The following CILP2 variants were observed in gnomAD, a reference collection of about 807,000 sequenced individuals.
The protein encoded by CILP2 is CILP-2.
In CILP2, 38 loss-of-function variants were observed where a neutral mutation model predicts 45.6. The observed-to-expected ratio is 0.83, with a 90% CI of 0.64 to 1.09. The LOEUF is 1.09. Ranked by LOEUF, CILP2 falls within the 50% of genes least tolerant of loss-of-function variation. CILP2 has a pLI of 0.00. For synonymous variants in CILP2, 780 were observed against 723.5 expected (o/e 1.08, Z -1.25); for missense variants, 1,735 against 1,662.2 (o/e 1.04, Z -0.76).
At chr19:19,540,963 TG>T in intron 3 of CILP2, 127 bp from the exon 4 acceptor site, 1 of 888,366 alleles carries the variant, frequency 1.1e-6, no homozygotes, top group Non-Finnish European at 1.5e-6. Context: ...ATCTGCTCTC[TG>T]GAGTGTCCGC....
intron 1 of CILP2, 89 bp from the exon 2 acceptor site, chr19:19,539,590 T>G (rs1428229169): frequency 3.9e-5 from 27 of 692,182 alleles, no homozygotes; most frequent in African/African-American, 1.5e-4. Flanking sequence ...AGGGGGGGGA[T>G]GATCGTGGCT....
At position 19,544,029 on chromosome 19, in the gene CILP2, T is replaced by A. The variant is rs2061253987; in HGVS notation, c.1484T>A (p.Leu495Gln). The A allele has an allele frequency of 1.2e-6, 2 of 1,613,896 alleles. No individual in the cohort carries two copies. Among genetic ancestry groups the A allele is most frequent in the Non-Finnish European group, 1.7e-6 (2 of 1,179,940 alleles). ...GEPLRFARIL[L>Q]GQEPIGFTAY... ...CCGCTACGCTTCGCCAGGATTCTGC[T>A]GGGCCAGGAGCCCATCGGCTTCACC... Residue 495 changes from leucine to glutamine, a missense_variant, in exon 8 of 8, where the codon CTG (leucine) becomes CAG (glutamine). Coordinates refer to ENST00000291495, the MANE Select transcript of CILP2 (RefSeq NM_153221.2).
intron 3 of CILP2, 145 bp downstream of exon 3, chr19:19,540,621 G>C: frequency 1.0e-6 from 1 of 959,434 alleles, no homozygotes; most frequent in South Asian, 2.2e-5. Flanking sequence ...ACCCTTAGGC[G>C]TAGGACGACG....
chr19:19,541,638 GTCTT>G (rs2061244755), intron 4 of CILP2, among the ~76,000 whole-genome samples: 1 of 152,184 alleles, frequency 6.6e-6, no homozygotes, highest in Non-Finnish European at 1.5e-5. Flanking sequence ...CTGTACAGAT[GTCTT>G]CGTGGGGAAA....
At position 19,543,830 on chromosome 19, in the gene CILP2, C is replaced by T; in HGVS notation, c.1285C>T (p.Arg429Cys). 9 of 1,613,782 alleles carry T rather than the reference C, an allele frequency of 5.6e-6. No homozygotes were observed. The highest frequency in any genetic ancestry group is 1.1e-5 in the South Asian group (1 of 91,074). ...CCCCAGCCTGGCAGGCTCCAGCCCC[C>T]GCTGCGGGGACGCCAGCTCCCGCTG... Reference protein sequence around the residue: ...RCPSLAGSSPRCGDASSRCCS... With the variant: ...RCPSLAGSSPCCGDASSRCCS... The change falls in exon 8 of 8, where the codon CGC becomes TGC. Residue 429 changes from arginine (R) to cysteine (C), a missense_variant. Physicochemically the swap from Arg to Cys is radical, Grantham distance 180. Transcript: ENST00000291495.
chr19:19,541,243 C>A lies in CILP2; in HGVS notation c.589C>A (p.Pro197Thr). The A allele has an allele frequency of 1.6e-6, 2 of 1,288,314 alleles. No homozygotes were observed. The highest frequency in any genetic ancestry group is 2.0e-6 in the Non-Finnish European group (2 of 1,016,566). The allele number at this position is 1,288,314 out of a possible 1,614,324, so 79.8% of individuals were successfully genotyped here. ...EAQKCVRPRC[P>T]GCSLDTCECP... ...GCAGAAGTGCGTGCGGCCTCGGTGT[C>A]CAGGTAGGAGGGGCGGGGTCTGGAG... is the stretch of plus-strand genomic sequence containing the variant. Residue 197 changes from proline to threonine, a missense_variant, in exon 4 of 8, where the codon CCA becomes ACA. Transcript: ENST00000291495.
At position 19,544,766 on chromosome 19, in the gene CILP2, G is replaced by C; in HGVS notation, c.2221G>C (p.Val741Leu). ...VPERRRCFVK[V>L]RAYANDKFTP... Reference sequence around the variant, plus strand: ...TGAGCGCCGCCGCTGCTTCGTGAAGGTGCGCGCCTACGCCAACGACAAGTT... The same window carrying C: ...TGAGCGCCGCCGCTGCTTCGTGAAGCTGCGCGCCTACGCCAACGACAAGTT... Residue 741 changes from valine to leucine, a missense_variant, in exon 8 of 8, where the codon GTG becomes CTG. Val to Leu is a conservative substitution (Grantham distance 32). Transcript: ENST00000291495. The C allele has an allele frequency of 6.2e-7, 1 of 1,607,120 alleles. No homozygotes were observed. The highest frequency in any genetic ancestry group is 8.5e-7 in the Non-Finnish European group (1 of 1,179,536).
Position 19,545,987 on chromosome 19 carries a change from C to T in CILP2, c.3442C>T (p.Arg1148Cys), listed in dbSNP as rs372029398. 85 of 1,507,664 alleles carry T rather than the reference C, an allele frequency of 5.6e-5. No individual in the cohort carries two copies. In the African/African-American group the frequency reaches 8.8e-4, roughly 16 times the overall value. 93.4% of individuals were successfully genotyped at this position (1,507,664 alleles called of 1,614,324 possible). A position where few individuals can be genotyped will look rare whatever the true frequency, so the allele number is the denominator to read the frequency against. The change falls in exon 8 of 8, where the codon CGC becomes TGC. Residue 1148 changes from arginine (R) to cysteine (C), a missense_variant. Physicochemically the swap from Arg to Cys is radical, Grantham distance 180. Coordinates refer to ENST00000291495, the MANE Select transcript of CILP2 (RefSeq NM_153221.2). Reference sequence around the variant, plus strand: ...ACAGGCCCGGGCCTCAGGTCCCCTCCGCACCCGCCGGGGTAGGGTCCGGCA... The same window carrying T: ...ACAGGCCCGGGCCTCAGGTCCCCTCTGCACCCGCCGGGGTAGGGTCCGGCA... ...QAQARASGPL[R>C]TRRGRVRQ is the part of the protein sequence containing the mutation.
In CILP2 at chr19:19,543,734, C is replaced by T. The variant is rs2061252566; in HGVS notation, c.1189C>T (p.Pro397Ser). Residue 397 changes from proline to serine, a missense_variant, in exon 8 of 8, where the codon CCT becomes TCT. Pro to Ser is a moderately conservative substitution (Grantham distance 74, BLOSUM62 -1). Coordinates refer to ENST00000291495, the MANE Select transcript of CILP2 (RefSeq NM_153221.2). ...GCCCCGAGAGTACCTGATCAAGCTC[C>T]CTGAGGACTGTGGTCAGCCAGGTAG... ...PRPREYLIKL[P>S]EDCGQPGSGP... is the part of the protein sequence containing the mutation. 6 of 1,612,722 alleles carry T rather than the reference C, an allele frequency of 3.7e-6. No homozygotes were observed. The highest frequency in any genetic ancestry group is 2.7e-5 in the African/African-American group (2 of 74,938).
chr19:19,544,382 C>G lies in CILP2; in HGVS notation c.1837C>G (p.Arg613Gly), dbSNP rs141706378. The G allele has an allele frequency of 1.9e-6, 3 of 1,610,064 alleles. No individual in the cohort carries two copies. The highest frequency in any genetic ancestry group is 2.5e-6 in the Non-Finnish European group (3 of 1,179,328). ...VEARVTFVDPRDLTSAASAPS... is the reference protein window; with the variant it reads ...VEARVTFVDPGDLTSAASAPS... ...GGCCCGGGTGACGTTCGTGGACCCC[C>G]GAGACCTCACCTCGGCGGCGTCTGC... Residue 613 changes from arginine (R) to glycine (G), a missense_variant, in exon 8 of 8, where the codon CGA (arginine) becomes GGA (glycine). Physicochemically the swap from Arg to Gly is moderately radical, Grantham distance 125 (BLOSUM62 -2). Transcript: ENST00000291495.
rs377207032 is a variant in CILP2, at chr19:19,544,063, G to A, written c.1518G>A (p.Gln506=). The A allele has an allele frequency of 2.5e-6, 4 of 1,613,812 alleles. No homozygotes were observed. Among genetic ancestry groups the A allele is most frequent in the Non-Finnish European group, 2.5e-6 (3 of 1,179,998 alleles). Residue 506 remains glutamine (Q), a synonymous_variant, in exon 8 of 8, where the codon CAG becomes CAA. Coordinates refer to ENST00000291495, the MANE Select transcript of CILP2 (RefSeq NM_153221.2). Reference sequence around the variant, plus strand: ...AGCCCATCGGCTTCACCGCCTACCAGGGCGACTTTACCATTGAGGTGCCGC... The same window carrying A: ...AGCCCATCGGCTTCACCGCCTACCAAGGCGACTTTACCATTGAGGTGCCGC... The part of the protein sequence containing the change: ...GQEPIGFTAY[Q]GDFTIEVPPS...
In CILP2 at chr19:19,545,789, G is replaced by C. The variant is rs1409774864; in HGVS notation, c.3244G>C (p.Asp1082His). Residue 1082 changes from aspartate to histidine, a missense_variant, in exon 8 of 8, where the codon GAT becomes CAT. Physicochemically the swap from Asp to His is moderately conservative, Grantham distance 81. Coordinates refer to ENST00000291495, the MANE Select transcript of CILP2 (RefSeq NM_153221.2). ...GGAGATCGCCATTGGCCGCTGCTTT[G>C]ATGGTTCCTCTGACGGCTTCTCCAG... ...AKEIAIGRCFDGSSDGFSREM... is the reference protein window; with the variant it reads ...AKEIAIGRCFHGSSDGFSREM... 5 of 1,600,444 alleles carry C rather than the reference G, an allele frequency of 3.1e-6. No homozygotes were observed. The Admixed American group carries it at 8.5e-5, about 27-fold the overall frequency.
At chr19:19,541,516 G>C (rs776104934) in intron 4 of CILP2, among the ~76,000 whole-genome samples, 2 of 152,180 alleles carry the variant, frequency 1.3e-5, no homozygotes, top group African/African-American at 2.4e-5. Context: ...TCCCTCCTGG[G>C]CCCAAGGAGC....
chr19:19,544,005 C>T lies in CILP2; in HGVS notation c.1460C>T (p.Pro487Leu), dbSNP rs374178882. Reference sequence around the variant, plus strand: ...GTTGTGGCTGCTGACTCCGGGGAGCCGCTACGCTTCGCCAGGATTCTGCTG... The same window carrying T: ...GTTGTGGCTGCTGACTCCGGGGAGCTGCTACGCTTCGCCAGGATTCTGCTG... Reference protein sequence around the residue: ...GRVVAADSGEPLRFARILLGQ... With the variant: ...GRVVAADSGELLRFARILLGQ... Residue 487 changes from proline to leucine, a missense_variant, in exon 8 of 8, where the codon CCG becomes CTG. Coordinates refer to ENST00000291495, the MANE Select transcript of CILP2 (RefSeq NM_153221.2). The T allele has an allele frequency of 8.7e-6, 14 of 1,613,650 alleles. No individual in the cohort carries two copies. The highest frequency in any genetic ancestry group is 1.1e-5 in the Non-Finnish European group (13 of 1,179,814).
In CILP2 at chr19:19,544,894, C is replaced by T; in HGVS notation, c.2349C>T (p.Ser783=). 2.5e-6 allele frequency: 4 copies of T among 1,588,636 alleles called. No homozygotes were observed. The highest frequency in any genetic ancestry group is 3.4e-6 in the Non-Finnish European group (4 of 1,175,328). The stretch of plus-strand genomic sequence containing the variant: ...CCCGTGCCTGGGGCCGCTTTGACAG[C>T]GCGGTCACCGGCCCCAATGGCGCCT... The part of the protein sequence containing the change: ...ANPRAWGRFD[S]AVTGPNGACL... The change falls in exon 8 of 8, where the codon AGC becomes AGT. Residue 783 remains serine, a synonymous_variant. Transcript: ENST00000291495.
Position 19,540,318 on chromosome 19 carries a change from C to A in CILP2, c.278C>A (p.Pro93Gln). ...GGGCCAGCGCGCGTGTGCCCGCGAC[C>A]GCTGGCGCTGGAAGCGCGCACCACG... ...YYGPARVCPR[P>Q]LALEARTTDW... The change falls in exon 3 of 8, where the codon CCG (proline) becomes CAG (glutamine). Residue 93 changes from proline (P) to glutamine (Q), a missense_variant. By Grantham distance (76) the Pro-to-Gln change is moderately conservative. Coordinates refer to ENST00000291495, the MANE Select transcript of CILP2 (RefSeq NM_153221.2). 6.3e-7 allele frequency: 1 copy of A among 1,579,224 alleles called. No individual in the cohort carries two copies. Among genetic ancestry groups the A allele is most frequent in the Non-Finnish European group, 8.6e-7 (1 of 1,167,730 alleles).
rs1424640177 is a variant in CILP2 at position 19,544,741 on chromosome 19, T to C, written c.2196T>C (p.Pro732=). 1.2e-6 allele frequency: 2 copies of C among 1,605,210 alleles called. No homozygotes were observed. The highest frequency in any genetic ancestry group is 1.1e-5 in the South Asian group (1 of 90,866). ...GGCGCCTGTTCAATCTGGACGTGCCTGAGCGCCGCCGCTGCTTCGTGAAGG... is the reference window on the plus strand; with the variant it reads ...GGCGCCTGTTCAATCTGGACGTGCCCGAGCGCCGCCGCTGCTTCGTGAAGG... The part of the protein sequence containing the change: ...RERRLFNLDV[P]ERRRCFVKVR... Residue 732 remains proline, a synonymous_variant, in exon 8 of 8, where the codon CCT becomes CCC. Transcript: ENST00000291495.
At position 19,542,899 on chromosome 19, in the gene CILP2, G is replaced by C; in HGVS notation, c.904G>C (p.Val302Leu). The C allele has an allele frequency of 6.2e-7, 1 of 1,614,146 alleles. No homozygotes were observed. The highest frequency in any genetic ancestry group is 8.5e-7 in the Non-Finnish European group (1 of 1,179,982). ...CCTGGTGAAACACCCTGAGTCCCGA[G>C]TGCGAGAGGCTGGCCAGAATGTGAC... ...PYLVKHPESR[V>L]REAGQNVTFC... The change falls in exon 6 of 8, where the codon GTG becomes CTG. Residue 302 changes from valine to leucine, a missense_variant. By Grantham distance (32) the Val-to-Leu change is conservative. Coordinates refer to ENST00000291495, the MANE Select transcript of CILP2 (RefSeq NM_153221.2).
chr19:19,540,667 A>G, intron 3 of CILP2, 191 bp downstream of exon 3: 1 of 685,878 alleles, frequency 1.5e-6, no homozygotes, highest in Non-Finnish European at 2.2e-6. Context: ...GGGCTTTTGA[A>G]GAGAGGCGCT....
Sources: allele counts gnomAD v4.1 joint callset (sites outside exome capture counted in the v4.1 genomes callset), GRCh38; gene constraint gnomAD v4.1.1; transcripts MANE v1.5; gene names NCBI Gene and HGNC (gene_info 2026-07-23, HGNC 2026-07-21).